NBEA: variants seen among roughly 807,000 people sequenced by gnomAD.
The protein encoded by NBEA is neurobeachin, also known as lysosomal-trafficking regulator 2.
A neutral mutation model predicts 343.4 loss-of-function variants in NBEA; 44 were observed. That is an observed-to-expected ratio of 0.13 (90% CI 0.10 to 0.16). NBEA has a LOEUF of 0.16. NBEA is among the 10% of genes least tolerant of loss of function. The pLI is 1.00. For missense variants in NBEA, 2,555 were observed against 3,631.3 expected (o/e 0.70, Z 7.62); for synonymous variants, 1,175 against 1,238.7 (o/e 0.95, Z 1.08).
intron 1 of NBEA, among the ~76,000 whole-genome samples, chr13:35,020,643 G>A (rs556361087): frequency 2.0e-5 from 3 of 152,068 alleles, no homozygotes; most frequent in Admixed American, 6.6e-5. Flanking sequence ...CTCAGCCTCC[G>A]AGTAGCTTGG....
At chr13:35,025,547 C>G (rs1266734785) in intron 1 of NBEA, among the ~76,000 whole-genome samples, 1 of 151,828 alleles carries the variant, frequency 6.6e-6, no homozygotes, top group African/African-American at 2.4e-5. Flanking sequence ...TGTATGAGTA[C>G]CTGGTTACTG....
At chr13:35,329,149 A>C (rs1005412868) in intron 36 of NBEA, among the ~76,000 whole-genome samples, 4 of 151,958 alleles carry the variant, frequency 2.6e-5, no homozygotes, top group African/African-American at 9.7e-5. Flanking sequence ...ATTAGATAAC[A>C]TTACACACTT....
At chr13:35,112,416 A>T (rs1024265683) in intron 13 of NBEA, among the ~76,000 whole-genome samples, 3 of 152,024 alleles carry the variant, frequency 2.0e-5, no homozygotes, top group African/African-American at 7.2e-5. Flanking sequence ...CATACATAAG[A>T]CTGCATCTAT....
At chr13:35,137,779 T>A (rs926055671) in intron 17 of NBEA, among the ~76,000 whole-genome samples, 5 of 152,114 alleles carry the variant, frequency 3.3e-5, no homozygotes, top group Non-Finnish European at 7.4e-5. Flanking sequence ...TGTATATGAT[T>A]TAACACAACC....
At chr13:35,649,074 C>T (rs537890093) in intron 51 of NBEA, among the ~76,000 whole-genome samples, 1 of 152,230 alleles carries the variant, frequency 6.6e-6, no homozygotes, top group South Asian at 2.1e-4. Context: ...CATAAGCTCC[C>T]AGCCTAGAAG....
At chr13:35,397,770 C>T (rs540819189) in intron 38 of NBEA, among the ~76,000 whole-genome samples, 37 of 152,230 alleles carry the variant, frequency 2.4e-4, no homozygotes, top group Non-Finnish European at 4.6e-4. Flanking sequence ...AATGAAAACA[C>T]TTTAATTTAA....
intron 1 of NBEA, among the ~76,000 whole-genome samples, chr13:35,011,130 G>A (rs2061483427): frequency 6.6e-6 from 1 of 151,866 alleles, no homozygotes; most frequent in Admixed American, 6.6e-5. Context: ...TAGTCCTGAG[G>A]GTAGTTCATC....
At chr13:35,481,387 T>G (rs947172429) in intron 41 of NBEA, among the ~76,000 whole-genome samples, 1 of 151,800 alleles carries the variant, frequency 6.6e-6, no homozygotes, top group Non-Finnish European at 1.5e-5. Flanking sequence ...TTCATAATTG[T>G]CTCTGTTTCC....
At chr13:35,240,444 T>A (rs544105664) in intron 34 of NBEA, among the ~76,000 whole-genome samples, 3 of 151,946 alleles carry the variant, frequency 2.0e-5, no homozygotes, top group African/African-American at 7.2e-5. Flanking sequence ...AAAAATACCA[T>A]CACCTATCAA....
At chr13:35,433,118 A>T (rs910755016) in intron 39 of NBEA, among the ~76,000 whole-genome samples, 3 of 152,220 alleles carry the variant, frequency 2.0e-5, no homozygotes, top group African/African-American at 7.2e-5. Context: ...ATTGTTCTTT[A>T]TAAACTGTAC....
At chr13:35,180,967 C>T (rs1371789174) in intron 28 of NBEA, among the ~76,000 whole-genome samples, 1 of 151,806 alleles carries the variant, frequency 6.6e-6, no homozygotes, top group East Asian at 1.9e-4. Flanking sequence ...TAATAGTCTC[C>T]AGTCCCATCC....
At chr13:35,058,568 A>G (rs1213560552) in intron 7 of NBEA, 149 bp from the exon 8 acceptor site, 10 of 671,308 alleles carry the variant, frequency 1.5e-5, no homozygotes, top group Non-Finnish European at 2.2e-5. Context: ...ACTGGCATTT[A>G]TTATTAAAAT....
intron 34 of NBEA, among the ~76,000 whole-genome samples, chr13:35,264,480 T>C (rs983284701): frequency 1.3e-5 from 2 of 151,998 alleles, no homozygotes; most frequent in African/African-American, 4.8e-5. Flanking sequence ...CTGATGGACA[T>C]GGATGCAAAA....
rs537923745 is a variant in NBEA at position 35,554,320 on chromosome 13, A to G, written c.6807-667A>G. Among the ~76,000 whole-genome samples, 149 of 152,330 alleles carry G rather than the reference A, an allele frequency of 9.8e-4. 1 individual carries two copies. The highest frequency in any genetic ancestry group is 3.4e-3 in the African/African-American group (142 of 41,568). ...CTGTCAATCAGTTTAAAAACCCAGT[A>G]GCTTTATCATACTTTTCTAAATACA... On this transcript the variant is annotated intron_variant, in intron 43 of 58. Transcript: ENST00000379939.
At chr13:35,582,229 C>T (rs544173052) in intron 45 of NBEA, among the ~76,000 whole-genome samples, 14 of 151,994 alleles carry the variant, frequency 9.2e-5, no homozygotes, top group Admixed American at 3.9e-4. Flanking sequence ...GAGCTTGCAG[C>T]GAGCCCAGAT....
At chr13:35,031,602 A>G (rs2062220675) in intron 1 of NBEA, among the ~76,000 whole-genome samples, 1 of 151,444 alleles carries the variant, frequency 6.6e-6, no homozygotes, top group South Asian at 2.1e-4. Context: ...TAAGTACTTA[A>G]CTCAATTATC....
intron 30 of NBEA, among the ~76,000 whole-genome samples, chr13:35,194,308 T>C (rs2152740660): frequency 6.6e-6 from 1 of 152,184 alleles, no homozygotes; most frequent in East Asian, 1.9e-4. Flanking sequence ...CTACTAGAGA[T>C]TTCACAAAAG....
At chr13:35,405,458 G>A (rs1214542654) in intron 38 of NBEA, among the ~76,000 whole-genome samples, 1 of 151,942 alleles carries the variant, frequency 6.6e-6, no homozygotes, top group East Asian at 1.9e-4. Flanking sequence ...TTACAAAATC[G>A]ATTTAATTTA....
intron 34 of NBEA, among the ~76,000 whole-genome samples, chr13:35,254,157 A>C (rs1386262567): frequency 6.6e-6 from 1 of 151,938 alleles, no homozygotes; most frequent in African/African-American, 2.4e-5. Flanking sequence ...TATTATAATA[A>C]TATATATAAG....
Sources: allele counts gnomAD v4.1 joint callset (sites outside exome capture counted in the v4.1 genomes callset), GRCh38; gene constraint gnomAD v4.1.1; transcripts MANE v1.5; gene names NCBI Gene and HGNC (gene_info 2026-07-23, HGNC 2026-07-21).